Variants in PLCH2 observed in about 807,000 individuals in gnomAD.
PLCH2 encodes phospholipase C eta 2.
A neutral mutation model predicts 134.7 loss-of-function variants in PLCH2; 98 were observed. The observed-to-expected ratio is 0.73, with a 90% CI of 0.62 to 0.86. PLCH2 has a LOEUF of 0.86. Ranked by LOEUF, PLCH2 falls within the 40% of genes least tolerant of loss-of-function variation. The pLI, the probability that PLCH2 is intolerant of heterozygous loss-of-function variation, is 0.00. For synonymous variants in PLCH2, 974 were observed against 827.5 expected (o/e 1.18, Z -3.04); for missense variants, 1,994 against 1,986.6 (o/e 1.00, Z -0.07).
At chr1:2,418,556 A>G in the PLCH2 span, among the ~76,000 whole-genome samples, 1 of 152,212 alleles carries the variant, frequency 6.6e-6, no homozygotes, top group South Asian at 2.1e-4. Flanking sequence ...TTCTCCTCTG[A>G]CCCGCCTCCT....
chr1:2,438,428 G>A (rs1639535448), intron 2 of PLCH2, among the ~76,000 whole-genome samples: 1 of 152,114 alleles, frequency 6.6e-6, no homozygotes, highest in African/African-American at 2.4e-5. Flanking sequence ...TCCAGGGGAG[G>A]GTCTGTCCAG....
In PLCH2 at chr1:2,498,542, G is replaced by A. The variant is rs760521518; in HGVS notation, c.2244G>A (p.Ser748=). ...CMCQGVFNPN[S]EDPLPGQLKK... is the part of the protein sequence containing the mutation. ...CCTCAGGCGTGTTCAACCCCAACTC[G>A]GAGGACCCCCTGCCCGGGCAGCTCA... The change falls in exon 17 of 22, where the codon TCG becomes TCA. Residue 748 remains serine, a synonymous_variant. Transcript: ENST00000378486. The surrounding 1 kb of genome is among the most constrained non-coding windows in gnomAD (Gnocchi z 5.4). 13 of 1,607,760 alleles carry A rather than the reference G, an allele frequency of 8.1e-6. No individual in the cohort carries two copies. The highest frequency in any genetic ancestry group is 5.0e-5 in the Admixed American group (3 of 59,752).
In PLCH2 at chr1:2,505,105, C is replaced by T. The variant is rs1227039288; in HGVS notation, c.4143C>T (p.Gly1381=). The change falls in exon 22 of 22, where the codon GGC becomes GGT. Residue 1381 remains glycine, a synonymous_variant. Coordinates refer to ENST00000378486, the MANE Select transcript of PLCH2 (RefSeq NM_014638.4). ...AAGAGGAGCGGGGCACCCCCGAGGG[C>T]GCCTGCTCCGTGGGCCACGAGGGCA... ...PPEEERGTPE[G]ACSVGHEGSV... is the part of the protein sequence containing the mutation. 2.5e-5 allele frequency: 38 copies of T among 1,542,456 alleles called. No homozygotes were observed. Among genetic ancestry groups the T allele is most frequent in the Non-Finnish European group, 2.8e-5 (32 of 1,152,314 alleles).
At chr1:2,437,071 C>A (rs192386560) in intron 2 of PLCH2, among the ~76,000 whole-genome samples, 196 of 152,358 alleles carry the variant, frequency 1.3e-3, no homozygotes, top group African/African-American at 4.3e-3. Context: ...CCAGGCCTCT[C>A]GCCTTCTGTG....
chr1:2,487,241 G>C lies in PLCH2; in HGVS notation c.979G>C (p.Asp327His), dbSNP rs1236171928. 1.9e-6 allele frequency: 3 copies of C among 1,609,224 alleles called. No homozygotes were observed. The Admixed American group carries it at 5.1e-5, about 27-fold the overall frequency. ...FNPEHHHVHQ[D>H]MTQPLSHYFI... ...CCCTGAGCACCACCATGTGCACCAGGACATGACGCAGCCGCTGAGCCACTA... is the reference window on the plus strand; with the variant it reads ...CCCTGAGCACCACCATGTGCACCAGCACATGACGCAGCCGCTGAGCCACTA... Residue 327 changes from aspartate (D) to histidine (H), a missense_variant, in exon 7 of 22, where the codon GAC becomes CAC. Physicochemically the swap from Asp to His is moderately conservative, Grantham distance 81 (BLOSUM62 -1). This residue lies in a region of PLCH2 where 1,094 missense variants were observed against 1,234.3 expected (regional missense o/e 0.89). Transcript: ENST00000378486.
In PLCH2 at chr1:2,489,199, G is replaced by T; in HGVS notation, c.1236-8G>T. 1 of 1,612,844 alleles carries T rather than the reference G, an allele frequency of 6.2e-7. No homozygotes were observed. On this transcript the variant is annotated splice_region_variant and splice_polypyrimidine_tract_variant and intron_variant, in intron 8 of 21. Transcript: ENST00000378486. ...CCTCATCCTGCTCTTTCTGCCTTGGGGCCACAGGTACCCAGTGATCCTGTC... is the reference window on the plus strand; with the variant it reads ...CCTCATCCTGCTCTTTCTGCCTTGGTGCCACAGGTACCCAGTGATCCTGTC...
Position 2,502,351 on chromosome 1 carries a change from GC to G in PLCH2, c.2904del (p.Gly969AspfsTer77). ...TGGCAGACGATGTGGTGCCCCCCGG[GC>G]CCGGACCTGCTCCGGAAGCCCCAGC... is the stretch of plus-strand genomic sequence containing the variant. ...GVADDVVPPG[P>X]GPAPEAPAQE... On this transcript the variant is annotated frameshift_variant, in exon 21 of 22. Transcript: ENST00000378486. LOFTEE classifies it high-confidence loss of function. 1 of 1,539,538 alleles carries G rather than the reference GC, an allele frequency of 6.5e-7. No homozygotes were observed. Among genetic ancestry groups the G allele is most frequent in the Admixed American group, 2.0e-5 (1 of 50,096 alleles).
chr1:2,489,908 C>G, intron 10 of PLCH2, 41 bp downstream of exon 10: 1 of 1,390,370 alleles, frequency 7.2e-7, no homozygotes, highest in Non-Finnish European at 1.0e-6. Context: ...GTGGAGCCTG[C>G]AGTTCCCAAG....
At position 2,504,762 on chromosome 1, in the gene PLCH2, C is replaced by T. The variant is rs1376532502; in HGVS notation, c.3800C>T (p.Pro1267Leu). 6.2e-7 allele frequency: 1 copy of T among 1,612,472 alleles called. No homozygotes were observed. The highest frequency in any genetic ancestry group is 1.1e-5 in the South Asian group (1 of 91,084). ...LGDLTADDFA[P>L]SFEGGSRRLS... is the part of the protein sequence containing the mutation. ...GACCTCACTGCTGATGACTTTGCCCCTAGCTTTGAGGGCGGCTCCCGCAGA... is the reference window on the plus strand; with the variant it reads ...GACCTCACTGCTGATGACTTTGCCCTTAGCTTTGAGGGCGGCTCCCGCAGA... The change falls in exon 22 of 22, where the codon CCT (proline) becomes CTT (leucine). Residue 1267 changes from proline to leucine, a missense_variant. Pro to Leu is a moderately conservative substitution (Grantham distance 98). Coordinates refer to ENST00000378486, the MANE Select transcript of PLCH2 (RefSeq NM_014638.4).
Position 2,502,238 on chromosome 1 carries a change from G to A in PLCH2, c.2788G>A (p.Ala930Thr). Residue 930 changes from alanine to threonine, a missense_variant, in exon 21 of 22, where the codon GCC becomes ACC. Around this residue, in one of 2 missense-constraint regions of PLCH2, gnomAD observed 900 missense variants for 752.3 expected, o/e 1.20. Transcript: ENST00000378486. ...TAGCCAGCGGATCCTGCGGCGCACG[G>A]CCAGCGCCCCGACCAAGAGCCAGAA... The part of the protein sequence containing the change: ...SVSQRILRRT[A>T]SAPTKSQKPG... 2 of 1,541,362 alleles carry A rather than the reference G, an allele frequency of 1.3e-6. No homozygotes were observed. Among genetic ancestry groups the A allele is most frequent in the Non-Finnish European group, 1.7e-6 (2 of 1,145,070 alleles).
intron 5 of PLCH2, 78 bp downstream of exon 5, chr1:2,484,696 G>A (rs940813917): frequency 6.7e-7 from 1 of 1,502,716 alleles, no homozygotes; most frequent in South Asian, 1.2e-5. Context: ...CTTCAGTCAG[G>A]GGACAGTGGT....
At chr1:2,479,536 C>T (rs543738842) in intron 2 of PLCH2, 198 bp from the exon 3 acceptor site, 30 of 564,926 alleles carry the variant, frequency 5.3e-5, no homozygotes, top group African/African-American at 4.1e-4. Flanking sequence ...GGGAGGGACA[C>T]GGGTCAGCAG....
At position 2,476,604 on chromosome 1, in the gene PLCH2, C is replaced by A; in HGVS notation, c.16C>A (p.Pro6Thr). MSGPW[P>T]SPDSRTKGTV... ...TCGTCAGGCCATGTCTGGTCCATGG[C>A]CCTCCCCCGACAGCCGGACCAAGGG... The change falls in exon 1 of 22, where the codon CCC becomes ACC. Residue 6 changes from proline (P) to threonine (T), a missense_variant. Around this residue, in one of 2 missense-constraint regions of PLCH2, gnomAD observed 1,094 missense variants for 1,234.3 expected, o/e 0.89. Coordinates refer to ENST00000378486, the MANE Select transcript of PLCH2 (RefSeq NM_014638.4). 1 of 1,576,576 alleles carries A rather than the reference C, an allele frequency of 6.3e-7. No homozygotes were observed. Among genetic ancestry groups the A allele is most frequent in the South Asian group, 1.2e-5 (1 of 86,682 alleles).
At position 2,498,971 on chromosome 1, in the gene PLCH2, G is replaced by A. The variant is rs1188642542; in HGVS notation, c.2435-113G>A. 13 of 1,434,472 alleles carry A rather than the reference G, an allele frequency of 9.1e-6. No individual in the cohort carries two copies. The highest frequency in any genetic ancestry group is 3.8e-5 in the South Asian group (3 of 78,276). The allele number at this position is 1,434,472 out of a possible 1,614,324, so 88.9% of individuals were successfully genotyped here. On this transcript the variant is annotated intron_variant, in intron 18 of 21. Transcript: ENST00000378486. The surrounding 1 kb of genome is among the most constrained non-coding windows in gnomAD (Gnocchi z 5.4). The stretch of plus-strand genomic sequence containing the variant: ...CCCTCCCCTCTAGGTGGGCAGTCCC[G>A]GAAGCAGCACCGGGAGTGGCACTGG...
In PLCH2 at chr1:2,498,696, C is replaced by T; in HGVS notation, c.2350-48C>T. The T allele has an allele frequency of 6.5e-7, 1 of 1,546,380 alleles. No individual in the cohort carries two copies. The highest frequency in any genetic ancestry group is 8.8e-7 in the Non-Finnish European group (1 of 1,137,362). ...GGGAGGGGTGGGAGTTGGGGGCGGG[C>T]CGGGCATCGCGATGGGCCCTGATGC... is the stretch of plus-strand genomic sequence containing the variant. On this transcript the variant is annotated intron_variant, in intron 17 of 21. Coordinates refer to ENST00000378486, the MANE Select transcript of PLCH2 (RefSeq NM_014638.4). The surrounding 1 kb of genome is among the most constrained non-coding windows in gnomAD (Gnocchi z 5.4).
chr1:2,424,819 C>G (rs1245461495), upstream of PLCH2, among the ~76,000 whole-genome samples: 1 of 152,154 alleles, frequency 6.6e-6, no homozygotes, highest in Non-Finnish European at 1.5e-5. Context: ...AACCCTGTCT[C>G]TACTAAAAAT....
At chr1:2,471,701 G>A (rs1023922980), upstream of PLCH2, among the ~76,000 whole-genome samples, 6 of 152,186 alleles carry the variant, frequency 3.9e-5, no homozygotes, top group African/African-American at 1.4e-4. Flanking sequence ...TGGCGCGGCC[G>A]ATGGAGTATG....
chr1:2,423,301 C>T (rs894716855), upstream of PLCH2, among the ~76,000 whole-genome samples: 1 of 152,168 alleles, frequency 6.6e-6, no homozygotes, highest in African/African-American at 2.4e-5. Context: ...AATCCTCCTG[C>T]CTCAGCTTCC....
intron 2 of PLCH2, among the ~76,000 whole-genome samples, chr1:2,458,117 G>T (rs902196208): frequency 1.3e-5 from 2 of 152,136 alleles, no homozygotes; most frequent in Non-Finnish European, 2.9e-5. Context: ...GGGCACCCAG[G>T]CCTGTCCTCG....
Sources: allele counts gnomAD v4.1 joint callset (sites outside exome capture counted in the v4.1 genomes callset), GRCh38; gene constraint gnomAD v4.1.1; regional missense constraint gnomAD v4.1.1; non-coding constraint Gnocchi (gnomAD v3.1); transcripts MANE v1.5; gene names NCBI Gene and HGNC (gene_info 2026-07-23, HGNC 2026-07-21).